Variants in CSF1 observed in about 807,000 individuals in gnomAD.
CSF1 encodes colony stimulating factor 1.
In CSF1, 9 loss-of-function variants were observed where a neutral mutation model predicts 48.9. The observed-to-expected ratio is 0.18, with a 90% CI of 0.11 to 0.32. CSF1 has a LOEUF of 0.32. Ranked by LOEUF, CSF1 falls within the 10% of genes least tolerant of loss-of-function variation. The pLI is 1.00. For missense variants in CSF1, 672 were observed against 697.9 expected (o/e 0.96, Z 0.42); for synonymous variants, 305 against 284.1 (o/e 1.07, Z -0.74).
chr1:109,924,633 C>A, intron 6 of CSF1, 143 bp from the exon 7 acceptor site: 2 of 707,754 alleles, frequency 2.8e-6, no homozygotes, highest in Non-Finnish European at 4.9e-6. Flanking sequence ...TCCCTTGGGC[C>A]TCTGGCTGAT....
chr1:109,920,200 A>G (rs1647465708), intron 4 of CSF1, among the ~76,000 whole-genome samples: 1 of 151,784 alleles, frequency 6.6e-6, no homozygotes, highest in African/African-American at 2.4e-5. Flanking sequence ...TCTCAAAAAA[A>G]AAAAAAATGT....
intron 1 of CSF1, 33 bp downstream of exon 1, chr1:109,911,095 G>A (rs1471458589): frequency 2.9e-6 from 3 of 1,022,062 alleles, no homozygotes; most frequent in Non-Finnish European, 3.5e-6. Flanking sequence ...GGCCCGGGAC[G>A]GGCTGGGGCG....
At position 109,924,266 on chromosome 1, in the gene CSF1, G is replaced by A. The variant is rs1402782339; in HGVS notation, c.1569+76G>A. On this transcript the variant is annotated intron_variant, in intron 6 of 8. Coordinates refer to ENST00000329608, the MANE Select transcript of CSF1 (RefSeq NM_000757.6). Reference sequence around the variant, plus strand: ...GAGCCTGGCGGGGGTGCAGGTGGGGGGACAGCTTGGGTGCGGCCTGAGTTC... The same window carrying A: ...GAGCCTGGCGGGGGTGCAGGTGGGGAGACAGCTTGGGTGCGGCCTGAGTTC... The A allele has an allele frequency of 6.7e-6, 9 of 1,337,014 alleles. No individual in the cohort carries two copies. The Admixed American group carries it at 2.0e-4, about 30-fold the overall frequency. 82.8% of individuals were successfully genotyped at this position (1,337,014 alleles called of 1,614,324 possible). A position where few individuals can be genotyped will look rare whatever the true frequency, so the allele number is the denominator to read the frequency against.
intron 3 of CSF1, 48 bp from the exon 4 acceptor site, chr1:109,917,245 C>G (rs375812519): frequency 1.3e-6 from 2 of 1,589,078 alleles, no homozygotes; most frequent in Non-Finnish European, 1.7e-6. Flanking sequence ...GTTGGGGGTT[C>G]CCAGGCCACA....
At chr1:109,915,802 G>T in intron 3 of CSF1, 106 bp downstream of exon 3, 1 of 978,570 alleles carries the variant, frequency 1.0e-6, no homozygotes, top group South Asian at 1.3e-5. Flanking sequence ...TGCTGGAAAG[G>T]GTGAGAGTGT....
rs1224628308 is a variant in CSF1 at position 109,928,920 on chromosome 1, C to G, written c.*82C>G. 1 of 152,934 alleles carries G rather than the reference C, an allele frequency of 6.5e-6. No homozygotes were observed. The highest frequency in any genetic ancestry group is 2.1e-4 in the South Asian group (1 of 4,832). The allele number at this position is 152,934 out of a possible 1,614,324, so 9.5% of individuals were successfully genotyped here. On this transcript the variant is annotated 3_prime_UTR_variant, in exon 9 of 9. Coordinates refer to ENST00000329608, the MANE Select transcript of CSF1 (RefSeq NM_000757.6). ...GGCGTCCACCACCACCCCTCCCTGGCCATCCTCCTGGAATGTGGTCTGCCC... is the reference window on the plus strand; with the variant it reads ...GGCGTCCACCACCACCCCTCCCTGGGCATCCTCCTGGAATGTGGTCTGCCC...
At chr1:109,916,830 A>G (rs1219945653) in intron 3 of CSF1, among the ~76,000 whole-genome samples, 1 of 152,200 alleles carries the variant, frequency 6.6e-6, no homozygotes, top group East Asian at 1.9e-4. Flanking sequence ...TCTTCAAGGC[A>G]ACTACCATCT....
Position 109,923,107 on chromosome 1 carries a change from G to A in CSF1, c.545-59G>A, listed in dbSNP as rs3138070. On this transcript the variant is annotated intron_variant, in intron 5 of 8. Coordinates refer to ENST00000329608, the MANE Select transcript of CSF1 (RefSeq NM_000757.6). ...CCCGCTCTGGGAAAGCTGTGCTGGA[G>A]GCTAGTGACTCTATCTCCTCCCCAT... The A allele has an allele frequency of 1.4e-3, 2,012 of 1,464,628 alleles. 17 individuals carry two copies. In the African/African-American group the frequency reaches 0.021, roughly 15 times the overall value. 90.7% of individuals were successfully genotyped at this position (1,464,628 alleles called of 1,614,324 possible). A position where few individuals can be genotyped will look rare whatever the true frequency, so the allele number is the denominator to read the frequency against.
At chr1:109,916,405 C>T (rs1488653305) in intron 3 of CSF1, among the ~76,000 whole-genome samples, 1 of 152,170 alleles carries the variant, frequency 6.6e-6, no homozygotes, top group African/African-American at 2.4e-5. Context: ...CCCATCACTC[C>T]AGAAGAAAGC....
At chr1:109,924,444 C>T (rs1262123852) in intron 6 of CSF1, among the ~76,000 whole-genome samples, 1 of 152,072 alleles carries the variant, frequency 6.6e-6, no homozygotes, top group African/African-American at 2.4e-5. Context: ...GGGCTGACAG[C>T]AGGATGATAT....
At chr1:109,920,946 C>T (rs1647502740) in intron 4 of CSF1, among the ~76,000 whole-genome samples, 1 of 152,110 alleles carries the variant, frequency 6.6e-6, no homozygotes, top group Admixed American at 6.5e-5. Flanking sequence ...TGCAGCTTCT[C>T]AGAGCTCCAG....
intron 3 of CSF1, 98 bp from the exon 4 acceptor site, chr1:109,917,195 G>T (rs1380133051): frequency 7.6e-7 from 1 of 1,317,508 alleles, no homozygotes; most frequent in African/African-American, 1.5e-5. Flanking sequence ...CTCCCCTGGG[G>T]GAAGGGGGAG....
At chr1:109,926,027 G>A (rs1338157110) in intron 8 of CSF1, 3 of 152,168 alleles carry the variant, frequency 2.0e-5, no homozygotes, top group African/African-American at 7.2e-5. Context: ...GTATGGCCAA[G>A]TCCCTCAAAC....
chr1:109,912,993 C>T (rs1425057454), intron 1 of CSF1, among the ~76,000 whole-genome samples: 1 of 152,202 alleles, frequency 6.6e-6, no homozygotes, highest in Non-Finnish European at 1.5e-5. Flanking sequence ...CTCCTGCCAT[C>T]ACCTTCTCCC....
chr1:109,923,646 A>G lies in CSF1; in HGVS notation c.1025A>G (p.Asn342Ser). 2 of 1,613,832 alleles carry G rather than the reference A, an allele frequency of 1.2e-6. No homozygotes were observed. Among genetic ancestry groups the G allele is most frequent in the Non-Finnish European group, 1.7e-6 (2 of 1,179,844 alleles). Residue 342 changes from asparagine (N) to serine (S), a missense_variant, in exon 6 of 9, where the codon AAC (asparagine) becomes AGC (serine). Transcript: ENST00000329608. ...SMQTEPARPS[N>S]FLSASSPLPA... ...CAGACAGAGCCCGCCAGACCCAGCAACTTCCTCTCAGCATCTTCTCCACTC... is the reference window on the plus strand; with the variant it reads ...CAGACAGAGCCCGCCAGACCCAGCAGCTTCCTCTCAGCATCTTCTCCACTC...
rs1314734472 is a variant in CSF1, at chr1:109,921,897, C to T, written c.447C>T (p.Val149=). ...CACCTCTCCAGTTGCTGGAGAAGGTCAAGAATGTCTTTAATGAAACAAAGA... is the reference window on the plus strand; with the variant it reads ...CACCTCTCCAGTTGCTGGAGAAGGTTAAGAATGTCTTTAATGAAACAAAGA... The part of the protein sequence containing the change: ...YETPLQLLEK[V]KNVFNETKNL... Residue 149 remains valine (V), a synonymous_variant, in exon 5 of 9, where the codon GTC becomes GTT. Transcript: ENST00000329608. 3 of 1,611,514 alleles carry T rather than the reference C, an allele frequency of 1.9e-6. No homozygotes were observed. Among genetic ancestry groups the T allele is most frequent in the Admixed American group, 1.7e-5 (1 of 59,834 alleles).
chr1:109,926,950 C>A (rs542846459), intron 8 of CSF1, among the ~76,000 whole-genome samples: 12 of 152,314 alleles, frequency 7.9e-5, no homozygotes, highest in African/African-American at 2.4e-4. Flanking sequence ...TCAGGGCTGA[C>A]TCACGGACTG....
chr1:109,925,632 A>T (rs1244982729), intron 8 of CSF1, among the ~76,000 whole-genome samples: 1 of 151,752 alleles, frequency 6.6e-6, no homozygotes, highest in Non-Finnish European at 1.5e-5. Flanking sequence ...CCAGATCGCC[A>T]CCCCCGCACC....
chr1:109,923,634 C>T lies in CSF1; in HGVS notation c.1013C>T (p.Ala338Val). ...GGGGGCAGCATGCAGACAGAGCCCGCCAGACCCAGCAACTTCCTCTCAGCA... is the reference window on the plus strand; with the variant it reads ...GGGGGCAGCATGCAGACAGAGCCCGTCAGACCCAGCAACTTCCTCTCAGCA... ...PGGGSMQTEP[A>V]RPSNFLSASS... The change falls in exon 6 of 9, where the codon GCC (alanine) becomes GTC (valine). Residue 338 changes from alanine (A) to valine (V), a missense_variant. By Grantham distance (64) the Ala-to-Val change is moderately conservative (BLOSUM62 0). Transcript: ENST00000329608. 1 of 1,614,056 alleles carries T rather than the reference C, an allele frequency of 6.2e-7. No homozygotes were observed.
Sources: gnomAD v4.1 joint callset for allele counts (sites outside exome capture counted in the v4.1 genomes callset) on GRCh38, gnomAD v4.1.1 for gene constraint, MANE v1.5 for transcripts, NCBI Gene and HGNC (gene_info 2026-07-23, HGNC 2026-07-21) for gene names.